MCTP1: variants seen among roughly 807,000 people sequenced by gnomAD.
The protein encoded by MCTP1 is multiple C2 and transmembrane domain-containing protein 1.
A neutral mutation model predicts 120.6 loss-of-function variants in MCTP1; 69 were observed. The observed-to-expected ratio is 0.57, with a 90% CI of 0.47 to 0.70. The LOEUF (loss-of-function observed/expected upper bound fraction) is 0.70, where lower values mean the gene tolerates loss of function less well. MCTP1 is among the 30% of genes least tolerant of loss of function. MCTP1 has a pLI of 0.00. For synonymous variants in MCTP1, 529 were observed against 493.1 expected, an observed-to-expected ratio of 1.07 and a Z score of -0.96; for missense variants, 1,203 against 1,248.8, an observed-to-expected ratio of 0.96 and a Z score of 0.55.
chr5:95,017,349 T>A lies in MCTP1; in HGVS notation c.838+18A>T. The A allele has an allele frequency of 6.6e-7, 1 of 1,507,600 alleles. No homozygotes were observed. The highest frequency in any genetic ancestry group is 9.1e-7 in the Non-Finnish European group (1 of 1,096,656). The allele number at this position is 1,507,600 out of a possible 1,614,324, so 93.4% of individuals were successfully genotyped here. A position where few individuals can be genotyped will look rare whatever the true frequency, so the allele number is the denominator to read the frequency against. On this transcript the variant is annotated intron_variant, in intron 2 of 22. Coordinates refer to ENST00000515393, the MANE Select transcript of MCTP1 (RefSeq NM_024717.7). ...CACATAAAAAAGCTTCTAGGTGATA[T>A]TGCTCTTATGCTCTTACCTCCTCGA...
intron 1 of MCTP1, among the ~76,000 whole-genome samples, chr5:95,235,481 A>G (rs1755436790): frequency 1.3e-5 from 2 of 152,016 alleles, no homozygotes; most frequent in South Asian, 4.1e-4. Context: ...AGAAAAAGAA[A>G]TAAAAGGCCT....
chr5:95,139,697 C>T (rs1355825157), intron 1 of MCTP1, among the ~76,000 whole-genome samples: 1 of 152,200 alleles, frequency 6.6e-6, no homozygotes, highest in Admixed American at 6.5e-5. Context: ...TAAACAACTG[C>T]AGATCCACAG....
At chr5:95,178,630 A>AT (rs901247952) in intron 1 of MCTP1, among the ~76,000 whole-genome samples, 2 of 152,194 alleles carry the variant, frequency 1.3e-5, no homozygotes, top group Admixed American at 1.3e-4. Context: ...AAGGGGGAGA[A>AT]CACCACATCA....
intron 2 of MCTP1, among the ~76,000 whole-genome samples, chr5:95,008,783 G>A (rs988646372): frequency 6.6e-6 from 1 of 152,072 alleles, no homozygotes; most frequent in Admixed American, 6.6e-5. Context: ...GACACACAGG[G>A]TAAGGCCATA....
chr5:94,934,018 C>T (rs939039115), intron 5 of MCTP1, among the ~76,000 whole-genome samples: 1 of 151,790 alleles, frequency 6.6e-6, no homozygotes, highest in Non-Finnish European at 1.5e-5. Context: ...ATCTAAAGTT[C>T]TATTACTATA....
At position 95,284,239 on chromosome 5, in the gene MCTP1, C is replaced by T; in HGVS notation, c.337G>A (p.Gly113Ser). 2 of 1,585,256 alleles carry T rather than the reference C, an allele frequency of 1.3e-6. No homozygotes were observed. Among genetic ancestry groups the T allele is most frequent in the South Asian group, 1.1e-5 (1 of 88,816 alleles). The stretch of plus-strand genomic sequence containing the variant: ...AGCGTGGACCCCTGCTCGGCTCTGC[C>T]GGCGCCGCCGGGCTCCAGGGGCTCC... ...SPEPLEPGGAGRAEQGSTLRR... is the reference protein window; with the variant it reads ...SPEPLEPGGASRAEQGSTLRR... Residue 113 changes from glycine (G) to serine (S), a missense_variant, in exon 1 of 23, where the codon GGC (glycine) becomes AGC (serine). By Grantham distance (56) the Gly-to-Ser change is moderately conservative (BLOSUM62 0). Transcript: ENST00000515393. The surrounding 1 kb of genome is among the most constrained non-coding windows in gnomAD (Gnocchi z 5.2).
intron 1 of MCTP1, among the ~76,000 whole-genome samples, chr5:95,278,732 G>T (rs866974148): frequency 1.3e-5 from 2 of 152,154 alleles, no homozygotes; most frequent in African/African-American, 4.8e-5. Context: ...GGAGGCCGAG[G>T]TGAGCGGATC....
chr5:95,200,656 A>G (rs1750904230), intron 1 of MCTP1, among the ~76,000 whole-genome samples: 1 of 152,230 alleles, frequency 6.6e-6, no homozygotes, highest in Non-Finnish European at 1.5e-5. Flanking sequence ...AGTTGAACTC[A>G]TGGATTAGGG....
At chr5:94,753,758 T>C (rs1043354997) in intron 19 of MCTP1, among the ~76,000 whole-genome samples, 21 of 152,206 alleles carry the variant, frequency 1.4e-4, no homozygotes, top group African/African-American at 4.8e-4. Context: ...CCAATGAACA[T>C]GCATATGCAG....
intron 7 of MCTP1, 44 bp from the exon 8 acceptor site, chr5:94,918,017 A>G: frequency 7.2e-7 from 1 of 1,381,894 alleles, no homozygotes. Context: ...GAAGCTTTGT[A>G]CCATTCTCAA....
intron 19 of MCTP1, among the ~76,000 whole-genome samples, chr5:94,767,525 C>CA (rs372311185): frequency 6.6e-6 from 1 of 151,960 alleles, no homozygotes; most frequent in East Asian, 1.9e-4. Context: ...AAAGACACCA[C>CA]AAAAAAACCT....
intron 1 of MCTP1, among the ~76,000 whole-genome samples, chr5:95,064,298 C>G (rs966254161): frequency 6.6e-6 from 1 of 152,158 alleles, no homozygotes; most frequent in Non-Finnish European, 1.5e-5. Flanking sequence ...AATAACCACC[C>G]TCAATCCAGA....
intron 10 of MCTP1, among the ~76,000 whole-genome samples, chr5:94,901,779 A>C (rs1438865963): frequency 1.3e-5 from 2 of 152,102 alleles, no homozygotes; most frequent in Non-Finnish European, 2.9e-5. Flanking sequence ...TGAACCAGTG[A>C]CTCATAACAT....
chr5:95,113,855 C>T (rs1330705212), intron 1 of MCTP1, among the ~76,000 whole-genome samples: 1 of 152,132 alleles, frequency 6.6e-6, no homozygotes, highest in African/African-American at 2.4e-5. Context: ...CCAGGCTGCA[C>T]AGGTCATGAC....
intron 12 of MCTP1, among the ~76,000 whole-genome samples, chr5:94,878,643 C>A (rs1799424885): frequency 6.6e-6 from 1 of 151,824 alleles, no homozygotes; most frequent in African/African-American, 2.4e-5. Flanking sequence ...AAGTTGTTTA[C>A]AATAAAATCA....
chr5:95,089,387 T>A (rs945024543), intron 1 of MCTP1, among the ~76,000 whole-genome samples: 1 of 152,216 alleles, frequency 6.6e-6, no homozygotes, highest in African/African-American at 2.4e-5. Context: ...AGAATCAAAA[T>A]GCACTGAACA....
intron 1 of MCTP1, among the ~76,000 whole-genome samples, chr5:95,074,626 T>C (rs757660273): frequency 8.5e-5 from 13 of 152,222 alleles, no homozygotes; most frequent in Non-Finnish European, 1.9e-4. Context: ...AATGTGGACC[T>C]ATCTGTGTGA....
intron 18 of MCTP1, among the ~76,000 whole-genome samples, chr5:94,785,994 C>T (rs1271221045): frequency 1.3e-5 from 2 of 151,966 alleles, no homozygotes; most frequent in African/African-American, 4.8e-5. Flanking sequence ...ATATATGATT[C>T]CATATATGGA....
chr5:94,934,738 T>TG (rs1415503756), intron 5 of MCTP1, among the ~76,000 whole-genome samples: 1 of 828 alleles, frequency 1.2e-3, no homozygotes, highest in Non-Finnish European at 2.5e-3. Context: ...GATAAAGAAG[T>TG]TTTTTTTTTT....
Sources: allele counts gnomAD v4.1 joint callset (sites outside exome capture counted in the v4.1 genomes callset), GRCh38; gene constraint gnomAD v4.1.1; non-coding constraint Gnocchi (gnomAD v3.1); transcripts MANE v1.5; gene names NCBI Gene and HGNC (gene_info 2026-07-23, HGNC 2026-07-21).